CFAP299: variants seen among roughly 807,000 people sequenced by gnomAD.
CFAP299 encodes cilia and flagella associated protein 299.
Under a neutral mutation model 27.0 loss-of-function variants are expected in CFAP299, and 21 were observed. The observed-to-expected ratio is 0.78, with a 90% CI of 0.55 to 1.12. The LOEUF (loss-of-function observed/expected upper bound fraction) is 1.12, where lower values mean the gene tolerates loss of function less well. CFAP299 is among the 50% of genes most tolerant of loss of function. CFAP299 has a pLI of 0.00. For synonymous variants in CFAP299, 104 were observed against 98.1 expected, an observed-to-expected ratio of 1.06 and a Z score of -0.36; for missense variants, 310 against 276.6, an observed-to-expected ratio of 1.12 and a Z score of -0.86.
chr4:80,734,489 T>C (rs1354202310), intron 3 of CFAP299, among the ~76,000 whole-genome samples: 1 of 152,108 alleles, frequency 6.6e-6, no homozygotes, highest in Non-Finnish European at 1.5e-5. Context: ...CGTTTGCCCA[T>C]TTTTGCTTTG....
chr4:80,399,477 G>C (rs541599034), intron 2 of CFAP299, among the ~76,000 whole-genome samples: 5 of 152,234 alleles, frequency 3.3e-5, no homozygotes, highest in African/African-American at 1.2e-4. Context: ...TTAAGAAAAT[G>C]TGGCACATAT....
At chr4:80,541,157 G>A (rs1733977697) in intron 2 of CFAP299, among the ~76,000 whole-genome samples, 2 of 152,194 alleles carry the variant, frequency 1.3e-5, no homozygotes, top group Middle Eastern at 6.8e-3. Flanking sequence ...GAAAATAAGT[G>A]TTTCATATGA....
intron 3 of CFAP299, among the ~76,000 whole-genome samples, chr4:80,739,175 C>T (rs1270964994): frequency 6.6e-6 from 1 of 152,060 alleles, no homozygotes; most frequent in East Asian, 1.9e-4. Context: ...AATCTTTTTA[C>T]TTAAGTCAAG....
chr4:80,444,644 A>G (rs921681425), intron 2 of CFAP299, among the ~76,000 whole-genome samples: 3 of 152,220 alleles, frequency 2.0e-5, no homozygotes, highest in Non-Finnish European at 2.9e-5. Flanking sequence ...CTAAAACACC[A>G]AAAGTAATTG....
intron 3 of CFAP299, among the ~76,000 whole-genome samples, chr4:80,679,742 GTT>G (rs34748902): frequency 2.1e-3 from 288 of 135,540 alleles, no homozygotes; most frequent in East Asian, 8.9e-3. Flanking sequence ...CTGTGTGTGG[GTT>G]TTTTTTTTTT....
At chr4:80,404,643 C>T (rs917756613) in intron 2 of CFAP299, among the ~76,000 whole-genome samples, 3 of 152,214 alleles carry the variant, frequency 2.0e-5, no homozygotes, top group Non-Finnish European at 2.9e-5. Flanking sequence ...AATAATATTC[C>T]GTTCTTTGTA....
chr4:80,734,847 G>A (rs1723763595), intron 3 of CFAP299, among the ~76,000 whole-genome samples: 1 of 152,038 alleles, frequency 6.6e-6, no homozygotes, highest in South Asian at 2.1e-4. Context: ...GTACCATGCT[G>A]CTTTTGTTAC....
At chr4:80,902,586 T>TATACACACACAC (rs370673737) in intron 4 of CFAP299, among the ~76,000 whole-genome samples, 52 of 126,698 alleles carry the variant, frequency 4.1e-4, no homozygotes, top group East Asian at 3.7e-3. Flanking sequence ...ATGTAATATA[T>TATACACACACAC]ACACACACAC....
At chr4:80,354,323 T>C (rs909964653) in intron 1 of CFAP299, among the ~76,000 whole-genome samples, 2 of 152,218 alleles carry the variant, frequency 1.3e-5, no homozygotes, top group Admixed American at 1.3e-4. Flanking sequence ...TAAAGTTTTA[T>C]TGTATATATA....
intron 4 of CFAP299, among the ~76,000 whole-genome samples, chr4:80,883,422 T>A (rs2110178557): frequency 6.6e-6 from 1 of 152,114 alleles, no homozygotes; most frequent in Admixed American, 6.5e-5. Flanking sequence ...AAATGACAAT[T>A]AAAAGTCCTC....
chr4:80,668,780 T>A (rs1741279909), intron 3 of CFAP299, among the ~76,000 whole-genome samples: 1 of 152,114 alleles, frequency 6.6e-6, no homozygotes, highest in Non-Finnish European at 1.5e-5. Flanking sequence ...AGACTTTGAC[T>A]ACTTACTTTG....
chr4:80,396,899 G>C (rs1372797779), intron 2 of CFAP299, among the ~76,000 whole-genome samples: 2 of 152,198 alleles, frequency 1.3e-5, no homozygotes, highest in Non-Finnish European at 2.9e-5. Flanking sequence ...CTCATAAAAT[G>C]AGTTAGGGGA....
At chr4:80,447,370 C>G (rs1199631515) in intron 2 of CFAP299, among the ~76,000 whole-genome samples, 6 of 151,244 alleles carry the variant, frequency 4.0e-5, no homozygotes, top group African/African-American at 1.2e-4. Flanking sequence ...CTCCTGACCT[C>G]GTGATCCGCC....
At chr4:80,527,990 C>T (rs993558079) in intron 2 of CFAP299, among the ~76,000 whole-genome samples, 1 of 152,048 alleles carries the variant, frequency 6.6e-6, no homozygotes. Context: ...CCTGTTTGGT[C>T]CTGTTTCCTG....
intron 2 of CFAP299, among the ~76,000 whole-genome samples, chr4:80,430,433 C>T (rs545726316): frequency 1.3e-5 from 2 of 152,274 alleles, no homozygotes; most frequent in Non-Finnish European, 2.9e-5. Context: ...TCTCAATTTC[C>T]TTTGCTGGTT....
At chr4:80,429,278 A>G (rs1727687897) in intron 2 of CFAP299, among the ~76,000 whole-genome samples, 1 of 152,248 alleles carries the variant, frequency 6.6e-6, no homozygotes, top group Non-Finnish European at 1.5e-5. Flanking sequence ...TTTAATTGAA[A>G]GAATCATGTA....
chr4:80,756,032 A>G (rs1725218524), intron 3 of CFAP299, among the ~76,000 whole-genome samples: 1 of 152,126 alleles, frequency 6.6e-6, no homozygotes, highest in African/African-American at 2.4e-5. Flanking sequence ...TTCCATCAAA[A>G]TATAATCTTT....
At chr4:80,563,658 C>A (rs1735145713) in intron 2 of CFAP299, among the ~76,000 whole-genome samples, 1 of 150,328 alleles carries the variant, frequency 6.7e-6, no homozygotes, top group African/African-American at 2.4e-5. Flanking sequence ...CAAGAGCAAA[C>A]CAAATCCAAA....
At chr4:80,926,665 A>T (rs1736321905) in intron 4 of CFAP299, among the ~76,000 whole-genome samples, 1 of 152,070 alleles carries the variant, frequency 6.6e-6, no homozygotes, top group South Asian at 2.1e-4. Context: ...TCATCAAATT[A>T]TGACTCACAA....
Sources: allele counts gnomAD v4.1 joint callset (sites outside exome capture counted in the v4.1 genomes callset), GRCh38; gene constraint gnomAD v4.1.1; transcripts MANE v1.5; gene names NCBI Gene and HGNC (gene_info 2026-07-23, HGNC 2026-07-21).